ITGA4: variants seen among roughly 807,000 people sequenced by gnomAD.
The protein encoded by ITGA4 is integrin subunit alpha 4, also known as integrin alpha-4.
Under a neutral mutation model 133.6 loss-of-function variants are expected in ITGA4, and 63 were observed. That is an observed-to-expected ratio of 0.47 (90% confidence interval 0.38 to 0.58). The LOEUF is 0.58. Among genes scored for constraint, ITGA4 ranks in the 20% least tolerant of loss-of-function variants. The pLI is 0.00. For synonymous variants in ITGA4, 483 were observed against 438.0 expected, an observed-to-expected ratio of 1.10 and a Z score of -1.28; for missense variants, 1,076 against 1,252.7, an observed-to-expected ratio of 0.86 and a Z score of 2.13.
intron 15 of ITGA4, among the ~76,000 whole-genome samples, chr2:181,505,373 C>CAG (rs1686372670): frequency 6.6e-6 from 1 of 151,924 alleles, no homozygotes; most frequent in Admixed American, 6.6e-5. Flanking sequence ...TCAAGTTGGC[C>CAG]AGAAATACAG....
At chr2:181,481,314 T>C (rs1014406793) in intron 6 of ITGA4, among the ~76,000 whole-genome samples, 2 of 152,148 alleles carry the variant, frequency 1.3e-5, no homozygotes, top group Non-Finnish European at 2.9e-5. Flanking sequence ...AATATGTCTG[T>C]TGTAATCCTA....
At chr2:181,499,492 C>CA (rs1237725658) in intron 15 of ITGA4, among the ~76,000 whole-genome samples, 2 of 152,094 alleles carry the variant, frequency 1.3e-5, no homozygotes, top group Non-Finnish European at 1.5e-5. Flanking sequence ...TCTATTGTCA[C>CA]AAAAAACCAA....
At position 181,457,854 on chromosome 2, in the gene ITGA4, G is replaced by A. The variant is rs757050463; in HGVS notation, c.197+3G>A. 6.2e-7 allele frequency: 1 copy of A among 1,609,484 alleles called. No homozygotes were observed. Among genetic ancestry groups the A allele is most frequent in the South Asian group, 1.1e-5 (1 of 90,494 alleles). Reference sequence around the variant, plus strand: ...CACAGCCACGGGGCGAACCGATGGTGAGTAGAGTTGGACTGATGCGCCCTC... The same window carrying A: ...CACAGCCACGGGGCGAACCGATGGTAAGTAGAGTTGGACTGATGCGCCCTC... On this transcript the variant is annotated splice_donor_region_variant and intron_variant, in intron 1 of 27. Coordinates refer to ENST00000397033, the MANE Select transcript of ITGA4 (RefSeq NM_000885.6).
intron 2 of ITGA4, among the ~76,000 whole-genome samples, chr2:181,468,296 G>A (rs1278906520): frequency 1.3e-5 from 2 of 152,182 alleles, no homozygotes; most frequent in East Asian, 1.9e-4. Context: ...TTTTGGAAGA[G>A]AAGTAGGGGA....
Position 181,538,495 on chromosome 2 carries a change from TGCCTCTAGAACA to T in ITGA4, c.*2969_*2980del, listed in dbSNP as rs138386485. 0.6 allele frequency among the ~76,000 whole-genome samples: 90,532 copies of T among 151,830 alleles called. 27,263 individuals are homozygous for T. Among genetic ancestry groups the T allele is most frequent in the South Asian group, 0.83 (3,989 of 4,810 alleles). ...ATTACCTCTGTAAAACAGTCAGTTA[TGCCTCTAGAACA>T]CCCATGTCTAGTGGGCACCCCTGCA... On this transcript the variant is annotated 3_prime_UTR_variant, in exon 28 of 28. Transcript: ENST00000397033.
chr2:181,522,451 TA>T (rs1686740541), intron 18 of ITGA4, 110 bp downstream of exon 18: 1 of 709,358 alleles, frequency 1.4e-6, no homozygotes, highest in Non-Finnish European at 2.2e-6. Flanking sequence ...TCTTAATATT[TA>T]GGCTCCTAGT....
chr2:181,527,133 G>T (rs1425170499), intron 21 of ITGA4, among the ~76,000 whole-genome samples, 164 bp from the exon 22 acceptor site: 1 of 151,906 alleles, frequency 6.6e-6, no homozygotes, highest in Non-Finnish European at 1.5e-5. Context: ...ACTGCTCCCG[G>T]CCCTAATTTA....
Position 181,495,523 on chromosome 2 carries a change from G to C in ITGA4, c.1385+107G>C, listed in dbSNP as rs888054244. On this transcript the variant is annotated intron_variant, in intron 13 of 27. Transcript: ENST00000397033. The surrounding 1 kb of genome is among the most constrained non-coding windows in gnomAD (Gnocchi z 4.3). The stretch of plus-strand genomic sequence containing the variant: ...GGTAGTGACCTCATGATGCTCTTTT[G>C]GTATTCTGAAGCTTAATTATTGATT... 1 of 852,550 alleles carries C rather than the reference G, an allele frequency of 1.2e-6. No individual in the cohort carries two copies. The highest frequency in any genetic ancestry group is 2.0e-6 in the Non-Finnish European group (1 of 508,296). 52.8% of individuals were successfully genotyped at this position (852,550 alleles called of 1,614,324 possible).
At position 181,467,204 on chromosome 2, in the gene ITGA4, C is replaced by A. The variant is rs953113528; in HGVS notation, c.320-7756C>A. ...TTTGAAATGTATGGGTTTTGTCTTA[C>A]AATGGAATAGAGCTTCAGCTTAAAA... On this transcript the variant is annotated intron_variant, in intron 2 of 27. Coordinates refer to ENST00000397033, the MANE Select transcript of ITGA4 (RefSeq NM_000885.6). Among the ~76,000 whole-genome samples, 3 of 147,252 alleles carry A rather than the reference C, an allele frequency of 2.0e-5. No individual in the cohort carries two copies. The South Asian group carries it at 6.6e-4, about 32-fold the overall frequency.
chr2:181,467,887 T>C lies in ITGA4; in HGVS notation c.320-7073T>C, dbSNP rs146989460. Reference sequence around the variant, plus strand: ...CTCTTCTGTAGGGTAGGATTAATAATACAGCAATCCTCTGCTACTACTGTG... The same window carrying C: ...CTCTTCTGTAGGGTAGGATTAATAACACAGCAATCCTCTGCTACTACTGTG... On this transcript the variant is annotated intron_variant, in intron 2 of 27. Coordinates refer to ENST00000397033, the MANE Select transcript of ITGA4 (RefSeq NM_000885.6). 5.3e-5 allele frequency among the ~76,000 whole-genome samples: 8 copies of C among 152,332 alleles called. No homozygotes were observed. The East Asian group carries it at 1.5e-3, about 29-fold the overall frequency.
chr2:181,483,318 A>C (rs913844095), intron 9 of ITGA4, among the ~76,000 whole-genome samples: 3 of 152,200 alleles, frequency 2.0e-5, no homozygotes, highest in African/African-American at 7.2e-5. Context: ...TTGCCAGCCT[A>C]GATTCTTGGC....
At chr2:181,488,804 C>T (rs1024557091) in intron 10 of ITGA4, among the ~76,000 whole-genome samples, 26 of 152,082 alleles carry the variant, frequency 1.7e-4, no homozygotes, top group Admixed American at 9.2e-4. Flanking sequence ...GTGATCTGCC[C>T]GCCTTGGCCT....
intron 2 of ITGA4, among the ~76,000 whole-genome samples, chr2:181,466,999 A>G (rs1054526293): frequency 2.6e-5 from 4 of 152,126 alleles, no homozygotes; most frequent in African/African-American, 9.7e-5. Context: ...TCATATTTGA[A>G]TTGATTTTCT....
chr2:181,472,332 A>G (rs188404078), intron 2 of ITGA4, among the ~76,000 whole-genome samples: 98 of 152,334 alleles, frequency 6.4e-4, no homozygotes, highest in African/African-American at 2.2e-3. Flanking sequence ...TTGTGGTTCT[A>G]AACTATTGTC....
intron 15 of ITGA4, among the ~76,000 whole-genome samples, chr2:181,506,619 A>C (rs989488308): frequency 6.6e-6 from 1 of 152,088 alleles, no homozygotes; most frequent in Non-Finnish European, 1.5e-5. Context: ...GACATAGAAT[A>C]GATATAGTCT....
At chr2:181,480,636 A>G (rs1173972117) in intron 6 of ITGA4, among the ~76,000 whole-genome samples, 1 of 152,118 alleles carries the variant, frequency 6.6e-6, no homozygotes, top group Non-Finnish European at 1.5e-5. Flanking sequence ...AGAACTTTAC[A>G]TGAATTAACT....
chr2:181,470,659 C>T (rs1685526689), intron 2 of ITGA4, among the ~76,000 whole-genome samples: 1 of 152,076 alleles, frequency 6.6e-6, no homozygotes. Flanking sequence ...AGGCCATGAT[C>T]ACAAGCTGAT....
Position 181,457,823 on chromosome 2 carries a change from G to A in ITGA4, c.169G>A (p.Val57Met), listed in dbSNP as rs371276887. 9.9e-6 allele frequency: 16 copies of A among 1,613,308 alleles called. No homozygotes were observed. In the African/African-American group the frequency reaches 1.9e-4, roughly 19 times the overall value. The part of the protein sequence containing the change: ...PHNTLFGYSV[V>M]LHSHGANRWL... The stretch of plus-strand genomic sequence containing the variant: ...CAACACGCTGTTCGGCTACTCGGTC[G>A]TGCTGCACAGCCACGGGGCGAACCG... The change falls in exon 1 of 28, where the codon GTG (valine) becomes ATG (methionine). Residue 57 changes from valine (V) to methionine (M), a missense_variant. Physicochemically the swap from Val to Met is conservative, Grantham distance 21. This residue lies in a region of ITGA4 where 436 missense variants were observed against 590.7 expected (regional missense o/e 0.74). Coordinates refer to ENST00000397033, the MANE Select transcript of ITGA4 (RefSeq NM_000885.6).
intron 15 of ITGA4, among the ~76,000 whole-genome samples, chr2:181,501,422 G>T (rs1010309604): frequency 6.6e-6 from 1 of 152,158 alleles, no homozygotes; most frequent in South Asian, 2.1e-4. Context: ...CTGAGAGAAA[G>T]GGGGATCTAT....
Sources: allele counts gnomAD v4.1 joint callset (sites outside exome capture counted in the v4.1 genomes callset), GRCh38; gene constraint gnomAD v4.1.1; regional missense constraint gnomAD v4.1.1; non-coding constraint Gnocchi (gnomAD v3.1); transcripts MANE v1.5; gene names NCBI Gene and HGNC (gene_info 2026-07-23, HGNC 2026-07-21).